Variants in BAD observed in about 807,000 individuals in gnomAD.
BAD encodes the protein bcl2-associated agonist of cell death.
BAD carries 18 observed loss-of-function variants against 17.8 expected under a neutral mutation model. That is an observed-to-expected ratio of 1.01 (90% CI 0.70 to 1.50). The LOEUF (loss-of-function observed/expected upper bound fraction) is 1.50, where lower values mean the gene tolerates loss of function less well. Among genes scored for constraint, BAD ranks in the 40% most tolerant of loss-of-function variants. BAD has a pLI of 0.00. For synonymous variants in BAD, 112 were observed against 91.5 expected (o/e 1.22, Z -1.28); for missense variants, 294 against 239.3 (o/e 1.23, Z -1.51).
At chr11:64,279,015 C>T (rs1054882844) in intron 2 of BAD, among the ~76,000 whole-genome samples, 3 of 152,220 alleles carry the variant, frequency 2.0e-5, no homozygotes, top group Admixed American at 6.5e-5. Context: ...CTCTTTCCTA[C>T]GGGTCTGCAG....
intron 2 of BAD, among the ~76,000 whole-genome samples, chr11:64,279,536 G>A (rs546500881): frequency 1.3e-5 from 2 of 152,234 alleles, no homozygotes; most frequent in African/African-American, 4.8e-5. Flanking sequence ...GGAGGCTGAG[G>A]CGGGTGGATC....
rs11541683 is a variant in BAD at position 64,284,227 on chromosome 11, C to T, written c.142G>A (p.Ala48Thr). ...HRQAPGLLWDASHQQEQPTSS... is the reference protein window; with the variant it reads ...HRQAPGLLWDTSHQQEQPTSS... ...GTTGGCTGCTCCTGCTGGTGACTGG[C>T]GTCCCACAGGAGGCCTGGGGCCTGG... The change falls in exon 2 of 4, where the codon GCC (alanine) becomes ACC (threonine). Residue 48 changes from alanine (A) to threonine (T), a missense_variant. Coordinates refer to ENST00000309032, the MANE Select transcript of BAD (RefSeq NM_032989.3). The T allele has an allele frequency of 3.1e-6, 5 of 1,605,802 alleles. No individual in the cohort carries two copies. Among genetic ancestry groups the T allele is most frequent in the Admixed American group, 1.7e-5 (1 of 59,296 alleles).
chr11:64,280,358 A>ATT (rs1168306795), intron 2 of BAD, among the ~76,000 whole-genome samples: 1 of 132,316 alleles, frequency 7.6e-6, no homozygotes. Flanking sequence ...AATAATAATA[A>ATT]TTTTTTTTTT....
chr11:64,271,785 A>C lies in BAD; in HGVS notation c.206T>G (p.Ile69Ser), dbSNP rs767611787. The C allele has an allele frequency of 7.1e-7, 1 of 1,414,686 alleles. No individual in the cohort carries two copies. The allele number at this position is 1,414,686 out of a possible 1,614,324, so 87.6% of individuals were successfully genotyped here. ...GGGGTAGGAGCTGTGGCGACTCCGG[A>C]TCTCCACAGCCCCAGCGCCTGCAGA... The part of the protein sequence containing the change: ...SHHGGAGAVE[I>S]RSRHSSYPAG... The change falls in exon 3 of 4, where the codon ATC becomes AGC. Residue 69 changes from isoleucine to serine, a missense_variant. Ile to Ser is a moderately radical substitution (Grantham distance 142). Transcript: ENST00000309032.
intron 2 of BAD, chr11:64,277,069 G>C (rs929495350): frequency 1.4e-6 from 1 of 702,204 alleles, no homozygotes; most frequent in Non-Finnish European, 2.7e-6. Context: ...GGAAACAGAG[G>C]CACACTTAAT....
chr11:64,282,414 C>G (rs2135142816), intron 2 of BAD, among the ~76,000 whole-genome samples: 1 of 151,936 alleles, frequency 6.6e-6, no homozygotes, highest in African/African-American at 2.4e-5. Context: ...CAAGACTGGG[C>G]AACAAAGCAA....
chr11:64,279,233 C>T (rs2033264888), intron 2 of BAD, among the ~76,000 whole-genome samples: 3 of 152,202 alleles, frequency 2.0e-5, no homozygotes, highest in Admixed American at 2.0e-4. Context: ...CACCAGCTGA[C>T]CCAACCTGTG....
intron 2 of BAD, chr11:64,276,627 C>CTAA (rs1176572007): frequency 2.8e-6 from 1 of 362,554 alleles, no homozygotes; most frequent in African/African-American, 2.1e-5. Context: ...GTGCCCAGCC[C>CTAA]TAAATTGAAT....
Position 64,271,735 on chromosome 11 carries a change from T to C in BAD, c.256A>G (p.Met86Val). ...CGAAAGGGGCTGGGCTCCTCCCCCA[T>C]CCCTTCGTCGTCCTCCGTCCCCGCG... ...YPAGTEDDEG[M>V]GEEPSPFRGR... is the part of the protein sequence containing the mutation. The change falls in exon 3 of 4, where the codon ATG becomes GTG. Residue 86 changes from methionine to valine, a missense_variant. Transcript: ENST00000309032. 6.9e-7 allele frequency: 1 copy of C among 1,446,660 alleles called. No homozygotes were observed. The highest frequency in any genetic ancestry group is 9.1e-7 in the Non-Finnish European group (1 of 1,099,754). The allele number at this position is 1,446,660 out of a possible 1,614,324, so 89.6% of individuals were successfully genotyped here.
In BAD at chr11:64,269,870, C is replaced by T; in HGVS notation, c.*339G>A. ...GGCTTTATTAACATTTGGTAGTGAG[C>T]ACGGCCCCCAGGGCATCGCGGGGGC... On this transcript the variant is annotated 3_prime_UTR_variant, in exon 4 of 4. Transcript: ENST00000309032. 1 of 698,466 alleles carries T rather than the reference C, an allele frequency of 1.4e-6. No individual in the cohort carries two copies. Among genetic ancestry groups the T allele is most frequent in the Non-Finnish European group, 2.6e-6 (1 of 384,186 alleles). 43.3% of individuals were successfully genotyped at this position (698,466 alleles called of 1,614,324 possible).
intron 3 of BAD, among the ~76,000 whole-genome samples, 192 bp downstream of exon 3, chr11:64,271,421 G>C (rs943252709): frequency 6.6e-6 from 1 of 151,860 alleles, no homozygotes; most frequent in Non-Finnish European, 1.5e-5. Flanking sequence ...CGGGGGAAGA[G>C]CTGGGGAGTG....
At chr11:64,275,124 G>A (rs529244766) in intron 2 of BAD, among the ~76,000 whole-genome samples, 2 of 151,912 alleles carry the variant, frequency 1.3e-5, no homozygotes, top group Non-Finnish European at 2.9e-5. Context: ...GCTGCCCCCA[G>A]GTCAGGTGGG....
chr11:64,276,930 G>T (rs1302595809), intron 2 of BAD: 1 of 761,420 alleles, frequency 1.3e-6, no homozygotes, highest in African/African-American at 1.7e-5. Context: ...TCTGCGTGTT[G>T]GGCTTCTGAG....
At chr11:64,278,096 T>C (rs1260239784) in intron 2 of BAD, among the ~76,000 whole-genome samples, 2 of 152,124 alleles carry the variant, frequency 1.3e-5, no homozygotes, top group Non-Finnish European at 2.9e-5. Flanking sequence ...GAGACCAGCC[T>C]GAGCAACACA....
chr11:64,270,621 G>A (rs1459258960), intron 3 of BAD: 10 of 657,830 alleles, frequency 1.5e-5, no homozygotes, highest in Non-Finnish European at 2.5e-5. Flanking sequence ...GCACCCAGAA[G>A]ATGAGACCGC....
At chr11:64,271,507 G>C (rs2032603536) in intron 3 of BAD, 106 bp downstream of exon 3, 1 of 1,182,406 alleles carries the variant, frequency 8.5e-7, no homozygotes, top group African/African-American at 1.6e-5. Flanking sequence ...TTTGGGGAGG[G>C]GTCGTGGGAC....
intron 3 of BAD, 50 bp downstream of exon 3, chr11:64,271,563 G>C (rs771769781): frequency 7.0e-5 from 95 of 1,364,374 alleles, no homozygotes; most frequent in South Asian, 2.2e-4. Flanking sequence ...CAGACCGGCG[G>C]GGGGCGGCCT....
chr11:64,281,569 G>C lies in BAD; in HGVS notation c.187+2613C>G, dbSNP rs573819450. The stretch of plus-strand genomic sequence containing the variant: ...CTAGGCCCACCCTAGCCAGGAGCAG[G>C]TGTTGCCCTCGAGGCCTTACCATCT... On this transcript the variant is annotated intron_variant, in intron 2 of 3. Transcript: ENST00000309032. 1.8e-4 allele frequency among the ~76,000 whole-genome samples: 28 copies of C among 152,294 alleles called. No individual in the cohort carries two copies. The East Asian group carries it at 3.9e-3, about 21-fold the overall frequency.
rs34418386 is a variant in BAD at position 64,274,992 on chromosome 11, C to CAA, written c.188-3191_188-3190dup. Among the ~76,000 whole-genome samples, 237 of 54,252 alleles carry CAA rather than the reference C, an allele frequency of 4.4e-3. 11 individuals are homozygous for CAA. Among genetic ancestry groups the CAA allele is most frequent in the Non-Finnish European group, 4.6e-3 (154 of 33,288 alleles). The allele number at this position is 54,252 out of a possible 152,430, so 35.6% of individuals were successfully genotyped here. On this transcript the variant is annotated intron_variant, in intron 2 of 3. Transcript: ENST00000309032. The stretch of plus-strand genomic sequence containing the variant: ...TGGGAGACAGAGTGAGACTTTGTCT[C>CAA]AAAAAAAAAAAAAAAAAAAAAAAGC...
Sources: allele counts gnomAD v4.1 joint callset (sites outside exome capture counted in the v4.1 genomes callset), GRCh38; gene constraint gnomAD v4.1.1; transcripts MANE v1.5; gene names NCBI Gene and HGNC (gene_info 2026-07-23, HGNC 2026-07-21).